The following NOL10 variants were observed in gnomAD, a reference collection of about 807,000 sequenced individuals.
NOL10 encodes nucleolar protein 10.
Under a neutral mutation model 103.5 loss-of-function variants are expected in NOL10, and 58 were observed. That is an observed-to-expected ratio of 0.56 (90% CI 0.45 to 0.70). NOL10 has a LOEUF of 0.70. Among genes scored for constraint, NOL10 ranks in the 30% least tolerant of loss-of-function variants. The probability of loss-of-function intolerance (pLI) is 0.00; values close to 1 mark genes in which losing one functional copy is unlikely to be tolerated. For synonymous variants in NOL10, 287 were observed against 282.5 expected, an observed-to-expected ratio of 1.02 and a Z score of -0.16; for missense variants, 763 against 807.3, an observed-to-expected ratio of 0.95 and a Z score of 0.67.
chr2:10,594,576 T>C (rs893676732), intron 17 of NOL10, among the ~76,000 whole-genome samples: 4 of 152,144 alleles, frequency 2.6e-5, no homozygotes, highest in Non-Finnish European at 4.4e-5. Flanking sequence ...TGACATAGAA[T>C]TGGGTGTTGA....
chr2:10,684,318 T>A (rs1226413324), intron 2 of NOL10, among the ~76,000 whole-genome samples: 1 of 149,302 alleles, frequency 6.7e-6, no homozygotes, highest in Non-Finnish European at 1.5e-5. Flanking sequence ...CAGTGGCTCA[T>A]GCCTGTAATC....
At chr2:10,593,129 G>GTTTTTTTTTTTTTTTTTT (rs113342576) in intron 17 of NOL10, among the ~76,000 whole-genome samples, 1 of 148,698 alleles carries the variant, frequency 6.7e-6, no homozygotes, top group Non-Finnish European at 1.5e-5. Flanking sequence ...AAACAAATTA[G>GTTTTTTTTTTTTTTTTTT]TTTTTTTTTT....
chr2:10,601,582 T>C (rs1178974035), intron 16 of NOL10, among the ~76,000 whole-genome samples: 3 of 152,240 alleles, frequency 2.0e-5, no homozygotes, highest in Admixed American at 2.0e-4. Context: ...GGGAAGCCGA[T>C]GGGAGGCTCA....
intron 19 of NOL10, among the ~76,000 whole-genome samples, chr2:10,584,159 A>G (rs1211654681): frequency 6.6e-6 from 1 of 152,114 alleles, no homozygotes; most frequent in Non-Finnish European, 1.5e-5. Context: ...TCTTTCCACA[A>G]CCAGTTTCCA....
chr2:10,627,576 G>A (rs1677549242), intron 13 of NOL10, among the ~76,000 whole-genome samples: 1 of 152,060 alleles, frequency 6.6e-6, no homozygotes, highest in Non-Finnish European at 1.5e-5. Flanking sequence ...TCGGGAGGCT[G>A]AGGCAGGAGA....
intron 5 of NOL10, among the ~76,000 whole-genome samples, chr2:10,671,920 T>C (rs1377622479): frequency 1.3e-5 from 2 of 152,162 alleles, no homozygotes; most frequent in Non-Finnish European, 2.9e-5. Flanking sequence ...CCTTACATAC[T>C]AATTAAAGAC....
intron 19 of NOL10, among the ~76,000 whole-genome samples, chr2:10,588,134 T>C (rs1180755466): frequency 6.6e-6 from 1 of 152,262 alleles, no homozygotes; most frequent in Non-Finnish European, 1.5e-5. Flanking sequence ...GCTTGACACC[T>C]AGCTTGTTCC....
intron 6 of NOL10, 23 bp downstream of exon 6, chr2:10,671,531 G>A (rs984530051): frequency 1.0e-5 from 16 of 1,534,136 alleles, no homozygotes; most frequent in Non-Finnish European, 1.3e-5. Context: ...GTGAAAAGGA[G>A]AAAAAGGGAC....
In NOL10 at chr2:10,662,986, G is replaced by T. The variant is rs778123765; in HGVS notation, c.650C>A (p.Ala217Asp). The change falls in exon 9 of 21, where the codon GCC (alanine) becomes GAC (aspartate). Residue 217 changes from alanine (A) to aspartate (D), a missense_variant. Transcript: ENST00000381685. ...TGAATCTGCTGTGACACTGTTTAAG[G>T]CGCAGTCTAACAGGCCAACTCTGTT... ...TRNRVGLLDC[A>D]LNSVTADSEI... The T allele has an allele frequency of 6.8e-6, 11 of 1,613,588 alleles. No homozygotes were observed. The highest frequency in any genetic ancestry group is 8.5e-6 in the Non-Finnish European group (10 of 1,179,692).
chr2:10,689,955 G>T lies in NOL10; in HGVS notation c.-94C>A, dbSNP rs1327323957. ...GACCTCCGAGCCCCTGCTCCGCGGC[G>T]TGCGGCCGCTGGCGCCGACTGATGA... is the stretch of plus-strand genomic sequence containing the variant. On this transcript the variant is annotated 5_prime_UTR_variant, in exon 1 of 21. Coordinates refer to ENST00000381685, the MANE Select transcript of NOL10 (RefSeq NM_024894.4). The T allele has an allele frequency of 8.1e-6, 10 of 1,231,816 alleles. No homozygotes were observed. The highest frequency in any genetic ancestry group is 1.5e-5 in the African/African-American group (1 of 66,212). The allele number at this position is 1,231,816 out of a possible 1,614,324, so 76.3% of individuals were successfully genotyped here. A position where few individuals can be genotyped will look rare whatever the true frequency, so the allele number is the denominator to read the frequency against.
In NOL10 at chr2:10,685,419, G is replaced by A. The variant is rs183767744; in HGVS notation, c.67-807C>T. Among the ~76,000 whole-genome samples, 204 of 143,500 alleles carry A rather than the reference G, an allele frequency of 1.4e-3. 4 individuals carry two copies. In the Admixed American group the frequency reaches 0.015, roughly 10 times the overall value. The allele number at this position is 143,500 out of a possible 152,430, so 94.1% of individuals were successfully genotyped here. ...GAGGAAGGGGAATCACTTGAACCCG[G>A]GAGGCGGAGGTTGCAGGGAGCTGAG... On this transcript the variant is annotated intron_variant, in intron 1 of 20. Transcript: ENST00000381685.
rs1325367824 is a variant in NOL10, at chr2:10,657,753, T to A, written c.895A>T (p.Asn299Tyr). The A allele has an allele frequency of 5.2e-6, 8 of 1,550,002 alleles. No homozygotes were observed. The Admixed American group carries it at 1.4e-4, about 27-fold the overall frequency. Reference protein sequence around the residue: ...SADSRIVKMWNKNSGKIFTSL... With the variant: ...SADSRIVKMWYKNSGKIFTSL... The stretch of plus-strand genomic sequence containing the variant: ...CCAAAAATACATACGGAGTTCTTAT[T>A]CCACATCTTGACAATTCGAGAGTCA... Residue 299 changes from asparagine (N) to tyrosine (Y), a missense_variant, in exon 11 of 21, where the codon AAT (asparagine) becomes TAT (tyrosine). Coordinates refer to ENST00000381685, the MANE Select transcript of NOL10 (RefSeq NM_024894.4).
chr2:10,689,766 C>A (rs1364045606), intron 1 of NOL10, 30 bp downstream of exon 1: 3 of 1,584,088 alleles, frequency 1.9e-6, no homozygotes, highest in Non-Finnish European at 2.6e-6. Context: ...CCCAAGAGCT[C>A]GAGAGTGAGG....
chr2:10,577,127 C>T (rs139242933), intron 20 of NOL10, among the ~76,000 whole-genome samples: 96 of 152,294 alleles, frequency 6.3e-4, no homozygotes, highest in African/African-American at 2.2e-3. Context: ...AATAGAATGA[C>T]CACGGGCAGA....
At chr2:10,639,446 A>C (rs1287451199) in intron 13 of NOL10, among the ~76,000 whole-genome samples, 2 of 152,100 alleles carry the variant, frequency 1.3e-5, no homozygotes, top group Non-Finnish European at 2.9e-5. Context: ...CCAAACAAAT[A>C]GTTTTCCTCC....
At chr2:10,614,061 G>A (rs1238377134) in intron 13 of NOL10, among the ~76,000 whole-genome samples, 1 of 151,676 alleles carries the variant, frequency 6.6e-6, no homozygotes, top group African/African-American at 2.4e-5. Flanking sequence ...CCGGGTTCAA[G>A]TGATTCTCCT....
intron 3 of NOL10, among the ~76,000 whole-genome samples, chr2:10,681,259 T>C (rs886365842): frequency 6.7e-6 from 1 of 149,368 alleles, no homozygotes; most frequent in African/African-American, 2.5e-5. Flanking sequence ...GGCTTAGTCA[T>C]AGAATGAAAT....
chr2:10,588,918 G>T (rs534917358), intron 19 of NOL10, 125 bp downstream of exon 19: 6 of 1,398,982 alleles, frequency 4.3e-6, no homozygotes, highest in Non-Finnish European at 5.8e-6. Flanking sequence ...TGCTTCCCTC[G>T]TCCCCTCCAC....
chr2:10,616,283 C>CAGT (rs2148210514), intron 13 of NOL10, among the ~76,000 whole-genome samples: 1 of 134,984 alleles, frequency 7.4e-6, no homozygotes, highest in South Asian at 2.4e-4. Context: ...GGTTGGAGTG[C>CAGT]AGTGGTGCGA....
Sources: gnomAD v4.1 joint callset for allele counts (sites outside exome capture counted in the v4.1 genomes callset) on GRCh38, gnomAD v4.1.1 for gene constraint, MANE v1.5 for transcripts, NCBI Gene and HGNC (gene_info 2026-07-23, HGNC 2026-07-21) for gene names.